Variants in LHFPL3 observed in about 807,000 individuals in gnomAD.
LHFPL3 encodes the protein LHFPL tetraspan subfamily member 3.
LHFPL3 carries 5 observed loss-of-function variants against 19.3 expected under a neutral mutation model. The observed-to-expected ratio is 0.26, with a 90% CI of 0.14 to 0.54. The LOEUF is 0.54. LHFPL3 is among the 20% of genes least tolerant of loss of function. The probability of loss-of-function intolerance (pLI) is 0.94; values close to 1 mark genes in which losing one functional copy is unlikely to be tolerated. For synonymous variants in LHFPL3, 133 were observed against 126.2 expected (o/e 1.05, Z -0.36); for missense variants, 249 against 307.4 (o/e 0.81, Z 1.42).
At chr7:104,583,729 A>G (rs964161311) in intron 1 of LHFPL3, among the ~76,000 whole-genome samples, 2 of 152,166 alleles carry the variant, frequency 1.3e-5, no homozygotes, top group African/African-American at 4.8e-5. Context: ...ACTGGCCATC[A>G]GAGAAATGCA....
At chr7:104,329,935 A>C (rs1314628651) in intron 1 of LHFPL3, among the ~76,000 whole-genome samples, 1 of 152,190 alleles carries the variant, frequency 6.6e-6, no homozygotes, top group Non-Finnish European at 1.5e-5. Flanking sequence ...GTCTTTAGTA[A>C]ATCAAGATTC....
intron 1 of LHFPL3, chr7:104,668,733 G>C: frequency 6.4e-7 from 1 of 1,553,000 alleles, no homozygotes; most frequent in Non-Finnish European, 8.7e-7. Context: ...CCCCCCCAAA[G>C]ACCCAAACTG....
At chr7:104,722,950 CACA>C (rs1338449922) in intron 1 of LHFPL3, among the ~76,000 whole-genome samples, 7 of 152,148 alleles carry the variant, frequency 4.6e-5, no homozygotes, top group Non-Finnish European at 8.8e-5. Context: ...TTCTCAGGTT[CACA>C]ACGTTAAAAG....
intron 1 of LHFPL3, among the ~76,000 whole-genome samples, chr7:104,629,964 T>C (rs1791611646): frequency 6.6e-6 from 1 of 152,186 alleles, no homozygotes; most frequent in African/African-American, 2.4e-5. Context: ...TGTCAGCACA[T>C]CATTTGTCAA....
intron 2 of LHFPL3, among the ~76,000 whole-genome samples, chr7:104,741,461 C>CAA (rs5886331): frequency 1.0e-3 from 96 of 92,866 alleles, no homozygotes; most frequent in African/African-American, 2.3e-3. Context: ...TTCTTTATGC[C>CAA]AAAAAAAAAA....
chr7:104,718,090 A>G (rs1793424115), intron 1 of LHFPL3, among the ~76,000 whole-genome samples: 1 of 152,210 alleles, frequency 6.6e-6, no homozygotes, highest in Non-Finnish European at 1.5e-5. Context: ...TCTATCTAAA[A>G]TAGTTAAACT....
At chr7:104,672,061 G>GTA (rs1286007073) in intron 1 of LHFPL3, among the ~76,000 whole-genome samples, 1 of 82,946 alleles carries the variant, frequency 1.2e-5, no homozygotes, top group African/African-American at 3.9e-5. Flanking sequence ...ACTTCCAAGT[G>GTA]TGTGTGTGTG....
chr7:104,506,515 T>G (rs2115750952), intron 1 of LHFPL3, among the ~76,000 whole-genome samples: 1 of 152,350 alleles, frequency 6.6e-6, no homozygotes, highest in Admixed American at 6.5e-5. Context: ...TGTGTTATAC[T>G]CTCACCTTTG....
At chr7:104,360,193 A>T (rs1790363263) in intron 1 of LHFPL3, among the ~76,000 whole-genome samples, 1 of 152,218 alleles carries the variant, frequency 6.6e-6, no homozygotes, top group Non-Finnish European at 1.5e-5. Flanking sequence ...CAGTAGGAAG[A>T]TCTGGGCAAT....
chr7:104,565,790 AATCT>A (rs541139003), intron 1 of LHFPL3, among the ~76,000 whole-genome samples: 520 of 149,690 alleles, frequency 3.5e-3, no homozygotes, highest in Non-Finnish European at 5.0e-3. Context: ...CTATCTGTCT[AATCT>A]ATCTATCATT....
intron 1 of LHFPL3, among the ~76,000 whole-genome samples, chr7:104,711,834 A>C (rs76081431): frequency 0.013 from 1,977 of 152,348 alleles, 38 homozygotes; most frequent in African/African-American, 0.044. Context: ...TCCATATAAT[A>C]AAGCTACAAT....
chr7:104,465,727 G>T (rs929464775), intron 1 of LHFPL3, among the ~76,000 whole-genome samples: 3 of 152,012 alleles, frequency 2.0e-5, no homozygotes, highest in Non-Finnish European at 4.4e-5. Context: ...ACTCCCACTG[G>T]GTCCCTCCCA....
chr7:104,560,563 T>G (rs1789969307), intron 1 of LHFPL3, among the ~76,000 whole-genome samples: 1 of 151,542 alleles, frequency 6.6e-6, no homozygotes, highest in Admixed American at 6.6e-5. Context: ...TATTTGATTC[T>G]TCTCTCTTTT....
At chr7:104,667,459 G>A (rs1050037467) in intron 1 of LHFPL3, among the ~76,000 whole-genome samples, 3 of 152,118 alleles carry the variant, frequency 2.0e-5, no homozygotes, top group African/African-American at 7.2e-5. Context: ...CCCAGCGGCC[G>A]CTTCTACTCT....
Position 104,463,385 on chromosome 7 carries a change from T to C in LHFPL3, c.445+134161T>C, listed in dbSNP as rs1030237141. ...ATATGGGTGGTTAGTGCTACAAATTTCCCCCTTAACACTGCCTTAGCTGTA... is the reference window on the plus strand; with the variant it reads ...ATATGGGTGGTTAGTGCTACAAATTCCCCCCTTAACACTGCCTTAGCTGTA... On this transcript the variant is annotated intron_variant, in intron 1 of 2. Transcript: ENST00000424859. Among the ~76,000 whole-genome samples the C allele has an allele frequency of 2.0e-5, 3 of 152,216 alleles. No homozygotes were observed. In the East Asian group the frequency reaches 5.8e-4, roughly 29 times the overall value.
At chr7:104,598,995 T>C (rs1790915678) in intron 1 of LHFPL3, among the ~76,000 whole-genome samples, 2 of 152,242 alleles carry the variant, frequency 1.3e-5, no homozygotes, top group Admixed American at 6.5e-5. Context: ...ACATTTTTAA[T>C]TTTTATCTCT....
At chr7:104,492,306 G>A (rs1210984984) in intron 1 of LHFPL3, among the ~76,000 whole-genome samples, 2 of 152,136 alleles carry the variant, frequency 1.3e-5, no homozygotes, top group African/African-American at 2.4e-5. Flanking sequence ...GCAACAGAAC[G>A]GTGGCACTCT....
intron 1 of LHFPL3, among the ~76,000 whole-genome samples, chr7:104,702,038 C>A (rs1307559630): frequency 1.3e-5 from 2 of 152,030 alleles, no homozygotes; most frequent in African/African-American, 2.4e-5. Flanking sequence ...ACCCCCACCC[C>A]GTGACAGGCC....
chr7:104,725,875 C>T (rs2116261842), intron 1 of LHFPL3, among the ~76,000 whole-genome samples: 1 of 151,796 alleles, frequency 6.6e-6, no homozygotes, highest in African/African-American at 2.4e-5. Context: ...CATGGTGAAA[C>T]CCCCATCTCT....
Sources: allele counts gnomAD v4.1 joint callset (sites outside exome capture counted in the v4.1 genomes callset), GRCh38; gene constraint gnomAD v4.1.1; transcripts MANE v1.5; gene names NCBI Gene and HGNC (gene_info 2026-07-23, HGNC 2026-07-21).